The following CEBPZOS variants were observed in gnomAD, a reference collection of about 807,000 sequenced individuals.
The protein encoded by CEBPZOS is CEBPZ opposite strand.
A neutral mutation model predicts 4.8 loss-of-function variants in CEBPZOS; 10 were observed. That is an observed-to-expected ratio of 2.07 (90% CI 1.28 to 3.52). The LOEUF (loss-of-function observed/expected upper bound fraction) is 3.52. Ranked by LOEUF, CEBPZOS falls within the 30% of genes most tolerant of loss-of-function variation. CEBPZOS has a pLI of 0.00. For missense variants in CEBPZOS, 98 were observed against 43.6 expected, an observed-to-expected ratio of 2.25 and a Z score of -3.51; for synonymous variants, 25 against 14.2, an observed-to-expected ratio of 1.77 and a Z score of -1.72.
At chr2:37,197,903 G>T (rs976653529) in intron 1 of CEBPZOS, among the ~76,000 whole-genome samples, 1 of 151,990 alleles carries the variant, frequency 6.6e-6, no homozygotes. Context: ...GCCCACGCCT[G>T]TAATCCTAGC....
intron 1 of CEBPZOS, among the ~76,000 whole-genome samples, chr2:37,198,859 G>A (rs1400602310): frequency 6.6e-6 from 1 of 152,074 alleles, no homozygotes; most frequent in Non-Finnish European, 1.5e-5. Flanking sequence ...AAAAATTACT[G>A]CGTGTCTGCG....
At chr2:37,213,523 T>C (rs1405942722) in exon 5 of CEBPZOS, 1 of 173,768 alleles carries the variant, frequency 5.8e-6, no homozygotes, top group Non-Finnish European at 1.2e-5. Context: ...GCGATTCTCG[T>C]GCCTCTGCTT....
chr2:37,213,956 T>A, downstream of CEBPZOS: 1 of 1,489,992 alleles, frequency 6.7e-7, no homozygotes, highest in Non-Finnish European at 9.1e-7. Flanking sequence ...AACTTTTTTA[T>A]AATACCTATA....
chr2:37,201,999 G>T lies in CEBPZOS; in HGVS notation c.*139G>T. 8.4e-7 allele frequency: 1 copy of T among 1,194,168 alleles called. No homozygotes were observed. Among genetic ancestry groups the T allele is most frequent in the Non-Finnish European group, 1.2e-6 (1 of 852,566 alleles). 74.0% of individuals were successfully genotyped at this position (1,194,168 alleles called of 1,614,324 possible). On this transcript the variant is annotated 3_prime_UTR_variant, in exon 5 of 5. Coordinates refer to ENST00000402297, the MANE Select transcript of CEBPZOS (RefSeq NM_001322374.2). ...GCTGAGTCACAGGAACTTCTAGCCT[G>T]CCTTGGCCTGTGGTTTCCCACCCAC...
Position 37,204,582 on chromosome 2 carries a change from G to C in CEBPZOS, c.*2722G>C, listed in dbSNP as rs1424484255. The C allele has an allele frequency of 6.6e-6, 1 of 152,128 alleles. No individual in the cohort carries two copies. The highest frequency in any genetic ancestry group is 1.5e-5 in the Non-Finnish European group (1 of 68,086). 9.4% of individuals were successfully genotyped at this position (152,128 alleles called of 1,614,324 possible). A position where few individuals can be genotyped will look rare whatever the true frequency, so the allele number is the denominator to read the frequency against. ...TGAGCCACTGCGCCCAGCCATTTTT[G>C]ATTTTTTGTAGAGATGGGGTCTCAT... On this transcript the variant is annotated 3_prime_UTR_variant, in exon 5 of 5. Transcript: ENST00000402297.
downstream of CEBPZOS, among the ~76,000 whole-genome samples, chr2:37,206,868 A>ATT (rs1190002187): frequency 4.6e-5 from 7 of 152,184 alleles, no homozygotes; most frequent in African/African-American, 1.7e-4. Flanking sequence ...TAAAAGATAC[A>ATT]TTTGGACCAC....
chr2:37,213,947 A>G, downstream of CEBPZOS: 1 of 1,555,810 alleles, frequency 6.4e-7, no homozygotes, highest in Non-Finnish European at 8.7e-7. Flanking sequence ...TTTAACAGCA[A>G]CTTTTTTATA....
Position 37,199,828 on chromosome 2 carries a change from A to C in CEBPZOS, c.115+9A>C, listed in dbSNP as rs1176702108. On this transcript the variant is annotated intron_variant, in intron 2 of 4. Transcript: ENST00000402297. ...GATGCACACAAGCCAAGGTAATCAT[A>C]ATTCAGAAGTTAATGCTTTCTAAAG... 1.4e-6 allele frequency: 1 copy of C among 716,958 alleles called. No homozygotes were observed. The highest frequency in any genetic ancestry group is 2.7e-5 in the East Asian group (1 of 37,286). The allele number at this position is 716,958 out of a possible 1,614,324, so 44.4% of individuals were successfully genotyped here.
chr2:37,214,286 C>T (rs1291126712), downstream of CEBPZOS, among the ~76,000 whole-genome samples: 1 of 151,938 alleles, frequency 6.6e-6, no homozygotes, highest in Non-Finnish European at 1.5e-5. Flanking sequence ...AAAAAACAAG[C>T]CAAATCAAAC....
At chr2:37,200,633 C>T (rs1042492644) in intron 2 of CEBPZOS, among the ~76,000 whole-genome samples, 10 of 149,340 alleles carry the variant, frequency 6.7e-5, no homozygotes, top group Non-Finnish European at 1.3e-4. Flanking sequence ...TCAGTCTGGG[C>T]TAAACATAAC....
chr2:37,201,543 A>T, intron 3 of CEBPZOS, 99 bp from the exon 4 acceptor site: 1 of 620,640 alleles, frequency 1.6e-6, no homozygotes, highest in Admixed American at 3.0e-5. Flanking sequence ...TCATTTTGTT[A>T]TGTAGCAATA....
At chr2:37,199,629 T>G in intron 1 of CEBPZOS, 75 bp from the exon 2 acceptor site, 2 of 672,522 alleles carry the variant, frequency 3.0e-6, no homozygotes, top group Admixed American at 4.5e-5. Context: ...GGAATGAATT[T>G]GAGTTATTAG....
At chr2:37,213,685 A>G (rs1479726767) in exon 5 of CEBPZOS, 21 of 513,186 alleles carry the variant, frequency 4.1e-5, no homozygotes, top group Non-Finnish European at 6.8e-5. Context: ...AAGTGCTGGG[A>G]TTACAGGTGT....
At chr2:37,213,275 A>G (rs1469908877) in intron 4 of CEBPZOS, among the ~76,000 whole-genome samples, 1 of 152,244 alleles carries the variant, frequency 6.6e-6, no homozygotes, top group Non-Finnish European at 1.5e-5. Flanking sequence ...TTTCTTTTTC[A>G]CATGAGATTT....
chr2:37,213,842 A>G (rs1420385242), downstream of CEBPZOS: 1 of 1,512,198 alleles, frequency 6.6e-7, no homozygotes, highest in Middle Eastern at 1.7e-4. Context: ...TTATTTTACA[A>G]AGAGTCAACA....
At chr2:37,200,662 A>C (rs1390782885) in intron 2 of CEBPZOS, among the ~76,000 whole-genome samples, 1 of 12,006 alleles carries the variant, frequency 8.3e-5, no homozygotes, top group Non-Finnish European at 1.2e-4. Flanking sequence ...GTATCTTAAG[A>C]AAAAAAAAAA....
At position 37,202,189 on chromosome 2, in the gene CEBPZOS, G is replaced by T; in HGVS notation, c.*329G>T. On this transcript the variant is annotated 3_prime_UTR_variant, in exon 5 of 5. Transcript: ENST00000402297. ...AATAAAAACCAGTAACAATCAATAT[G>T]TAAAAACGGCCCACTTCCCTAAAAA... The T allele has an allele frequency of 1.4e-4, 25 of 185,068 alleles. No homozygotes were observed. Among genetic ancestry groups the T allele is most frequent in the Non-Finnish European group, 1.7e-4 (16 of 92,462 alleles). 11.5% of individuals were successfully genotyped at this position (185,068 alleles called of 1,614,324 possible).
chr2:37,214,915 T>G, downstream of CEBPZOS: 1 of 1,611,238 alleles, frequency 6.2e-7, no homozygotes, highest in Non-Finnish European at 8.5e-7. Context: ...CCACTGGTAT[T>G]TGGCTTTCTT....
At position 37,201,041 on chromosome 2, in the gene CEBPZOS, C is replaced by T; in HGVS notation, c.116-7C>T. 1.4e-6 allele frequency: 1 copy of T among 712,862 alleles called. No homozygotes were observed. The highest frequency in any genetic ancestry group is 2.6e-6 in the Non-Finnish European group (1 of 383,748). The allele number at this position is 712,862 out of a possible 1,614,324, so 44.2% of individuals were successfully genotyped here. A position where few individuals can be genotyped will look rare whatever the true frequency, so the allele number is the denominator to read the frequency against. On this transcript the variant is annotated splice_polypyrimidine_tract_variant and splice_region_variant and intron_variant, in intron 2 of 4. Transcript: ENST00000402297. ...ATCTAATTTCAAGACATCCTTTTTT[C>T]CATCAGATTTCAGGCAAACAATGAG...
Sources: gnomAD v4.1 joint callset for allele counts (sites outside exome capture counted in the v4.1 genomes callset) on GRCh38, gnomAD v4.1.1 for gene constraint, MANE v1.5 for transcripts, NCBI Gene and HGNC (gene_info 2026-07-23, HGNC 2026-07-21) for gene names.